The following CACNA1S variants were observed in gnomAD, a reference collection of about 807,000 sequenced individuals.
CACNA1S encodes the protein voltage-dependent L-type calcium channel subunit alpha-1S.
Under a neutral mutation model 207.4 loss-of-function variants are expected in CACNA1S, and 126 were observed. The ratio of observed to expected loss-of-function variants is 0.61; its 90% CI spans 0.53 to 0.70. CACNA1S has a LOEUF of 0.70. Ranked by LOEUF, CACNA1S falls within the 30% of genes least tolerant of loss-of-function variation. The pLI is 0.00. For synonymous variants in CACNA1S, 960 were observed against 932.7 expected, an observed-to-expected ratio of 1.03 and a Z score of -0.53; for missense variants, 2,349 against 2,422.8, an observed-to-expected ratio of 0.97 and a Z score of 0.64.
rs201585867 is a variant in CACNA1S, at chr1:201,089,296, A to C, written c.862T>G (p.Cys288Gly). The change falls in exon 6 of 44, where the codon TGC becomes GGC. Residue 288 changes from cysteine to glycine, a missense_variant. Coordinates refer to ENST00000362061, the MANE Select transcript of CACNA1S (RefSeq NM_000069.3). The stretch of plus-strand genomic sequence containing the variant: ...TCAGTCCATCCCTCCATGGTAATGC[A>C]CTGGTACACGGTGAGCATGGAGAAG... ...FGFSMLTVYQ[C>G]ITMEGWTDVL... The C allele has an allele frequency of 3.8e-5, 61 of 1,614,134 alleles. No individual in the cohort carries two copies. Among genetic ancestry groups the C allele is most frequent in the Middle Eastern group, 1.6e-4 (1 of 6,084 alleles).
chr1:201,098,269 C>T (rs1012740296), intron 2 of CACNA1S, among the ~76,000 whole-genome samples: 6 of 152,118 alleles, frequency 3.9e-5, no homozygotes, highest in Non-Finnish European at 8.8e-5. Flanking sequence ...TGGGCAGGTG[C>T]GGCTGCACAC....
intron 4 of CACNA1S, 62 bp from the exon 5 acceptor site, chr1:201,091,854 C>T: frequency 4.4e-6 from 7 of 1,594,676 alleles, no homozygotes; most frequent in South Asian, 1.1e-5. Flanking sequence ...TTGGCCCTCC[C>T]TCCCTATAAA....
intron 16 of CACNA1S, among the ~76,000 whole-genome samples, chr1:201,071,223 G>A (rs1383707730): frequency 1.3e-5 from 2 of 152,032 alleles, no homozygotes; most frequent in Admixed American, 1.3e-4. Context: ...AGGCCTTGAG[G>A]GAAGCCAAGA....
chr1:201,088,479 C>A (rs1408632163), intron 6 of CACNA1S, among the ~76,000 whole-genome samples: 1 of 152,140 alleles, frequency 6.6e-6, no homozygotes, highest in African/African-American at 2.4e-5. Context: ...TGTACTAATC[C>A]TTGGTATTTG....
chr1:201,059,403 T>C, intron 26 of CACNA1S, 104 bp from the exon 27 acceptor site: 2 of 688,960 alleles, frequency 2.9e-6, no homozygotes, highest in South Asian at 1.8e-5. Context: ...CCCCCAACCC[T>C]TTCTTGGGCC....
Position 201,073,185 on chromosome 1 carries a change from A to G in CACNA1S, c.2158-361T>C, listed in dbSNP as rs376438639. On this transcript the variant is annotated intron_variant, in intron 15 of 43. Transcript: ENST00000362061. ...AACTCCACTTCCTCAGTTTTCAGGA[A>G]TGGTGAGCAGAGTCAGATGGGAATG... Among the ~76,000 whole-genome samples, 244 of 152,316 alleles carry G rather than the reference A, an allele frequency of 1.6e-3. 1 individual carries two copies. The highest frequency in any genetic ancestry group is 5.6e-3 in the African/African-American group (232 of 41,576).
intron 19 of CACNA1S, among the ~76,000 whole-genome samples, chr1:201,068,298 A>G (rs1661322775): frequency 8.4e-6 from 1 of 119,140 alleles, no homozygotes; most frequent in South Asian, 2.9e-4. Context: ...GCTGGAGTGC[A>G]GTGGCATGAT....
intron 26 of CACNA1S, 75 bp from the exon 27 acceptor site, chr1:201,059,374 C>T (rs918930314): frequency 1.5e-5 from 13 of 867,302 alleles, no homozygotes; most frequent in South Asian, 3.0e-5. Context: ...TCCCAGAGCC[C>T]CTGCCTCTTC....
Position 201,077,984 on chromosome 1 carries a change from C to T in CACNA1S, c.1514G>A (p.Cys505Tyr), listed in dbSNP as rs1304741009. The T allele has an allele frequency of 6.2e-7, 1 of 1,614,028 alleles. No individual in the cohort carries two copies. The highest frequency in any genetic ancestry group is 1.7e-5 in the Admixed American group (1 of 60,012). The change falls in exon 11 of 44, where the codon TGT becomes TAT. Residue 505 changes from cysteine to tyrosine, a missense_variant. By Grantham distance (194) the Cys-to-Tyr change is radical. Transcript: ENST00000362061. ...CAGCAGGATCTCCAGGATACCGCTACACACCACGAAGCAGTCGAAGCGGTT... is the reference window on the plus strand; with the variant it reads ...CAGCAGGATCTCCAGGATACCGCTATACACCACGAAGCAGTCGAAGCGGTT... ...IFNRFDCFVV[C>Y]SGILEILLVE...
rs190517475 is a variant in CACNA1S, at chr1:201,099,929, G to C, written c.259-5908C>G. Among the ~76,000 whole-genome samples, 28 of 152,122 alleles carry C rather than the reference G, an allele frequency of 1.8e-4. 1 individual carries two copies. The highest frequency in any genetic ancestry group is 6.0e-4 in the African/African-American group (25 of 41,420). The stretch of plus-strand genomic sequence containing the variant: ...CAGGGGTAGAGCTCACAGTTTGAAG[G>C]TGTGGCAGGATCTGGGAGGAGGCCC... On this transcript the variant is annotated intron_variant, in intron 2 of 43. Transcript: ENST00000362061.
intron 35 of CACNA1S, 101 bp downstream of exon 35, chr1:201,048,902 G>A (rs1386242388): frequency 6.5e-5 from 65 of 1,001,434 alleles, no homozygotes; most frequent in Non-Finnish European, 8.2e-5. Flanking sequence ...AGGAGATCCC[G>A]GCTCTACAAT....
rs1194699826 is a variant in CACNA1S at position 201,074,605 on chromosome 1, A to T, written c.1964T>A (p.Val655Asp). ...GTTGTCCACGGCAATGGCCAGGAAG[A>T]CATTGAGCAGGATGTCTGAGCGGGT... ...FVCGNYILLN[V>D]FLAIAVDNLA... The change falls in exon 14 of 44, where the codon GTC becomes GAC. Residue 655 changes from valine to aspartate, a missense_variant. Coordinates refer to ENST00000362061, the MANE Select transcript of CACNA1S (RefSeq NM_000069.3). The T allele has an allele frequency of 6.2e-7, 1 of 1,612,498 alleles. No individual in the cohort carries two copies. The highest frequency in any genetic ancestry group is 2.2e-5 in the East Asian group (1 of 44,870).
Position 201,050,518 on chromosome 1 carries a change from T to C in CACNA1S, c.4114-2A>G. The C allele has an allele frequency of 6.2e-7, 1 of 1,613,990 alleles. No homozygotes were observed. Among genetic ancestry groups the C allele is most frequent in the Non-Finnish European group, 8.5e-7 (1 of 1,179,942 alleles). On this transcript the variant is annotated splice_acceptor_variant, in intron 33 of 43. Transcript: ENST00000362061. LOFTEE classifies it high-confidence loss of function. ...GACAGCCACAAAGAGGTTGATGACC[T>C]GCAAGAGAAGAACCAAGGGGTCCCA...
intron 16 of CACNA1S, among the ~76,000 whole-genome samples, chr1:201,072,266 C>T (rs575022594): frequency 6.8e-4 from 104 of 152,302 alleles, no homozygotes; most frequent in African/African-American, 2.4e-3. Flanking sequence ...CCCCCTACCC[C>T]ACCATTGTTT....
chr1:201,054,888 GT>G (rs1286619036), intron 28 of CACNA1S, among the ~76,000 whole-genome samples: 2 of 152,198 alleles, frequency 1.3e-5, no homozygotes, highest in Admixed American at 1.3e-4. Flanking sequence ...ATGTGTTTGG[GT>G]TATGTGATGC....
At position 201,040,253 on chromosome 1, in the gene CACNA1S, G is replaced by T; in HGVS notation, c.5348C>A (p.Ala1783Asp). The T allele has an allele frequency of 1.2e-6, 2 of 1,613,782 alleles. No homozygotes were observed. The highest frequency in any genetic ancestry group is 8.5e-7 in the Non-Finnish European group (1 of 1,180,014). ...CACCTTTTGGATCAGCAGGGCTGTA[G>T]CTGGTGCTGAGCACCTGGAAGTATT... ...RENTSRCSAPATALLIQKALV... is the reference protein window; with the variant it reads ...RENTSRCSAPDTALLIQKALV... The change falls in exon 43 of 44, where the codon GCT (alanine) becomes GAT (aspartate). Residue 1783 changes from alanine to aspartate, a missense_variant. Physicochemically the swap from Ala to Asp is moderately radical, Grantham distance 126. Transcript: ENST00000362061.
chr1:201,091,368 G>A (rs1249125480), intron 5 of CACNA1S, among the ~76,000 whole-genome samples: 3 of 151,508 alleles, frequency 2.0e-5, no homozygotes, highest in Non-Finnish European at 4.4e-5. Flanking sequence ...GGTCCAGAGA[G>A]CCTGGAACAT....
chr1:201,087,110 C>G lies in CACNA1S; in HGVS notation c.1004+716G>C, dbSNP rs77735024. Among the ~76,000 whole-genome samples the G allele has an allele frequency of 9.2e-3, 1,402 of 152,276 alleles. 15 individuals are homozygous for G. Among genetic ancestry groups the G allele is most frequent in the African/African-American group, 0.028 (1,153 of 41,534 alleles). On this transcript the variant is annotated intron_variant, in intron 7 of 43. Coordinates refer to ENST00000362061, the MANE Select transcript of CACNA1S (RefSeq NM_000069.3). ...TGTGCTGGGGTGGGTGGAGGGATGACAGCAGGACTGGTCTCAAAGAGAACA... is the reference window on the plus strand; with the variant it reads ...TGTGCTGGGGTGGGTGGAGGGATGAGAGCAGGACTGGTCTCAAAGAGAACA...
intron 9 of CACNA1S, 135 bp from the exon 10 acceptor site, chr1:201,083,457 G>T: frequency 2.3e-6 from 2 of 859,830 alleles, no homozygotes; most frequent in Non-Finnish European, 2.0e-6. Context: ...GAGAAGCTCA[G>T]GGCATGAGCT....
Sources: allele counts gnomAD v4.1 joint callset (sites outside exome capture counted in the v4.1 genomes callset), GRCh38; gene constraint gnomAD v4.1.1; transcripts MANE v1.5; gene names NCBI Gene and HGNC (gene_info 2026-07-23, HGNC 2026-07-21).